The following AK4 variants were observed in gnomAD, a reference collection of about 807,000 sequenced individuals.
The protein encoded by AK4 is adenylate kinase 4.
AK4 carries 13 observed loss-of-function variants against 24.6 expected under a neutral mutation model. That is an observed-to-expected ratio of 0.53 (90% CI 0.34 to 0.84). The LOEUF is 0.84. Among genes scored for constraint, AK4 ranks in the 40% least tolerant of loss-of-function variants. The probability of loss-of-function intolerance (pLI) is 0.01; values close to 1 mark genes in which losing one functional copy is unlikely to be tolerated. For missense variants in AK4, 192 were observed against 288.2 expected (o/e 0.67, Z 2.42); for synonymous variants, 88 against 107.0 (o/e 0.82, Z 1.10).
intron 1 of AK4, among the ~76,000 whole-genome samples, chr1:65,161,987 C>A (rs547597018): frequency 1.3e-5 from 2 of 152,164 alleles, no homozygotes; most frequent in African/African-American, 4.8e-5. Flanking sequence ...GTGGTTCACA[C>A]CTGTAATCCC....
intron 1 of AK4, among the ~76,000 whole-genome samples, chr1:65,156,187 A>C (rs1450730192): frequency 6.6e-6 from 1 of 152,112 alleles, no homozygotes; most frequent in Non-Finnish European, 1.5e-5. Context: ...AGATAGTAAA[A>C]TTTTCAAATA....
intron 2 of AK4, among the ~76,000 whole-genome samples, chr1:65,201,454 C>T (rs1651661222): frequency 6.6e-6 from 1 of 152,124 alleles, no homozygotes; most frequent in African/African-American, 2.4e-5. Context: ...CATTAAGGAA[C>T]ATTAAGGGGA....
chr1:65,159,804 C>T (rs919044939), intron 1 of AK4, among the ~76,000 whole-genome samples: 2 of 151,928 alleles, frequency 1.3e-5, no homozygotes, highest in African/African-American at 4.8e-5. Context: ...CCCGTCTCTA[C>T]TAAAAATACA....
At chr1:65,198,368 C>T (rs1651551127) in intron 2 of AK4, among the ~76,000 whole-genome samples, 1 of 152,120 alleles carries the variant, frequency 6.6e-6, no homozygotes, top group African/African-American at 2.4e-5. Flanking sequence ...ATGATTTGCC[C>T]CTCTCATTGT....
At chr1:65,187,870 G>A (rs1651155987) in intron 1 of AK4, among the ~76,000 whole-genome samples, 1 of 152,164 alleles carries the variant, frequency 6.6e-6, no homozygotes, top group Admixed American at 6.6e-5. Context: ...AATGAATGTG[G>A]CTTGTTCACA....
At chr1:65,200,507 T>G (rs75393711) in intron 2 of AK4, among the ~76,000 whole-genome samples, 3,243 of 152,276 alleles carry the variant, frequency 0.021, 118 homozygotes, top group African/African-American at 0.075. Context: ...GACATTTGGG[T>G]GACATGTGAC....
intron 1 of AK4, among the ~76,000 whole-genome samples, chr1:65,168,232 C>G (rs899665755): frequency 6.6e-6 from 1 of 150,914 alleles, no homozygotes; most frequent in East Asian, 1.9e-4. Flanking sequence ...ATTGCAACTC[C>G]GCCTCCCGGG....
rs1254014952 is a variant in AK4, at chr1:65,228,372, C to G, written c.*2195C>G. 1.5e-3 allele frequency: 223 copies of G among 150,584 alleles called. No individual in the cohort carries two copies. The highest frequency in any genetic ancestry group is 6.8e-3 in the Middle Eastern group (2 of 292). The allele number at this position is 150,584 out of a possible 1,614,324, so 9.3% of individuals were successfully genotyped here. A position where few individuals can be genotyped will look rare whatever the true frequency, so the allele number is the denominator to read the frequency against. On this transcript the variant is annotated 3_prime_UTR_variant, in exon 5 of 5. Coordinates refer to ENST00000327299, the MANE Select transcript of AK4 (RefSeq NM_013410.4). The stretch of plus-strand genomic sequence containing the variant: ...GCCTGATCCCTGCTTCCATACTTCA[C>G]TCCTCCATCCATCCTTCCCTCCCTC...
intron 1 of AK4, among the ~76,000 whole-genome samples, chr1:65,149,346 C>T (rs1570050340): frequency 6.6e-6 from 1 of 152,200 alleles, no homozygotes; most frequent in East Asian, 1.9e-4. Context: ...ATTTCTTAGT[C>T]TGACGGGGTT....
intron 1 of AK4, among the ~76,000 whole-genome samples, chr1:65,172,446 A>C (rs1650567882): frequency 6.6e-6 from 1 of 152,088 alleles, no homozygotes; most frequent in Non-Finnish European, 1.5e-5. Flanking sequence ...AAAGTGTGAC[A>C]ATTTTAAAGT....
rs942863473 is a variant in AK4, at chr1:65,148,550, C to G, written c.143C>G (p.Thr48Ser). 57 of 1,599,864 alleles carry G rather than the reference C, an allele frequency of 3.6e-5. No individual in the cohort carries two copies. Among genetic ancestry groups the G allele is most frequent in the Non-Finnish European group, 4.1e-5 (48 of 1,173,346 alleles). Residue 48 changes from threonine (T) to serine (S), a missense_variant and splice_region_variant, in exon 1 of 5, where the codon ACC (threonine) becomes AGC (serine). Thr to Ser is a moderately conservative substitution (Grantham distance 58, BLOSUM62 1). Transcript: ENST00000327299. Reference sequence around the variant, plus strand: ...TTGCGGGAGAACATCAAGGCCAGCACCGGTGAGGGGCTGCGGGGACGAGGG... The same window carrying G: ...TTGCGGGAGAACATCAAGGCCAGCAGCGGTGAGGGGCTGCGGGGACGAGGG... Reference protein sequence around the residue: ...HFLRENIKASTEVGEMAKQYI... With the variant: ...HFLRENIKASSEVGEMAKQYI...
intron 1 of AK4, chr1:65,154,437 G>C (rs141835416): frequency 1.7e-5 from 8 of 473,180 alleles, no homozygotes; most frequent in Admixed American, 6.7e-5. Flanking sequence ...CACATGCATG[G>C]GCTAGCTCCT....
intron 1 of AK4, among the ~76,000 whole-genome samples, chr1:65,156,994 C>T (rs1413318193): frequency 6.6e-6 from 1 of 151,292 alleles, no homozygotes; most frequent in Non-Finnish European, 1.5e-5. Flanking sequence ...AACAATAATC[C>T]ACTGTATGTT....
intron 1 of AK4, among the ~76,000 whole-genome samples, chr1:65,167,254 C>A (rs1000072604): frequency 6.6e-6 from 1 of 152,058 alleles, no homozygotes. Flanking sequence ...GCTGATATAT[C>A]TGATTCAACT....
At chr1:65,222,075 C>T (rs57018586) in intron 3 of AK4, among the ~76,000 whole-genome samples, 42,363 of 151,886 alleles carry the variant, frequency 0.28, 6,776 homozygotes, top group East Asian at 0.69. Context: ...GTGGATGCCC[C>T]GGATTTTATA....
chr1:65,217,511 A>G (rs189493400), intron 2 of AK4, among the ~76,000 whole-genome samples: 2 of 152,128 alleles, frequency 1.3e-5, no homozygotes, highest in African/African-American at 4.8e-5. Context: ...ATATAAAGAC[A>G]TTTTTTTAGA....
Position 65,148,310 on chromosome 1 carries a change from G to A in AK4, c.-98G>A. The A allele has an allele frequency of 6.9e-7, 1 of 1,450,846 alleles. No individual in the cohort carries two copies. The highest frequency in any genetic ancestry group is 9.1e-7 in the Non-Finnish European group (1 of 1,099,752). 89.9% of individuals were successfully genotyped at this position (1,450,846 alleles called of 1,614,324 possible). ...CGGCGAGTCCCAGTGAGAGCGGAGG[G>A]TGCCAGAGGTAGGGGGCCGAGAAAC... On this transcript the variant is annotated 5_prime_UTR_variant, in exon 1 of 5. In the 5' UTR this introduces an upstream ATG that the reference lacks. Coordinates refer to ENST00000327299, the MANE Select transcript of AK4 (RefSeq NM_013410.4).
intron 3 of AK4, among the ~76,000 whole-genome samples, chr1:65,224,490 T>C (rs1392094809): frequency 6.6e-6 from 1 of 152,192 alleles, no homozygotes; most frequent in Non-Finnish European, 1.5e-5. Flanking sequence ...GAAAGTACCA[T>C]TTATCAACAG....
chr1:65,173,241 C>A (rs1016518800), intron 1 of AK4, among the ~76,000 whole-genome samples: 5 of 152,090 alleles, frequency 3.3e-5, no homozygotes, highest in African/African-American at 1.2e-4. Context: ...AGTGGCTGCA[C>A]CATGTTGGAG....
Sources: gnomAD v4.1 joint callset for allele counts (sites outside exome capture counted in the v4.1 genomes callset) on GRCh38, gnomAD v4.1.1 for gene constraint, MANE v1.5 for transcripts, NCBI Gene and HGNC (gene_info 2026-07-23, HGNC 2026-07-21) for gene names.